Variants in LRBA observed in about 807,000 individuals in gnomAD.
The protein encoded by LRBA is lipopolysaccharide-responsive and beige-like anchor protein.
A neutral mutation model predicts 330.0 loss-of-function variants in LRBA; 176 were observed. The observed-to-expected ratio is 0.53, with a 90% CI of 0.47 to 0.60. The LOEUF (loss-of-function observed/expected upper bound fraction) is 0.60. Ranked by LOEUF, LRBA falls within the 20% of genes least tolerant of loss-of-function variation. The pLI is 0.00. For missense variants in LRBA, 3,259 were observed against 3,444.8 expected, an observed-to-expected ratio of 0.95 and a Z score of 1.35; for synonymous variants, 1,230 against 1,193.0, an observed-to-expected ratio of 1.03 and a Z score of -0.64.
chr4:150,504,581 C>T (rs1188817761), intron 40 of LRBA, among the ~76,000 whole-genome samples: 8 of 152,194 alleles, frequency 5.3e-5, no homozygotes. Context: ...CCTAAAGGAG[C>T]TCCTGAAGGA....
intron 54 of LRBA, 125 bp downstream of exon 54, chr4:150,285,808 A>G: frequency 1.9e-6 from 1 of 514,748 alleles, no homozygotes; most frequent in Non-Finnish European, 3.4e-6. Flanking sequence ...AAATAGTTCC[A>G]TATGACTAAT....
rs1443929204 is a variant in LRBA at position 150,828,443 on chromosome 4, T to A, written c.4908A>T (p.Ala1636=). 4 of 1,614,190 alleles carry A rather than the reference T, an allele frequency of 2.5e-6. No homozygotes were observed. In the Admixed American group the frequency reaches 6.7e-5, roughly 27 times the overall value. The part of the protein sequence containing the change: ...APPGVSAGPD[A]ISEVLSTLSL... ...AAAGAGTAGATAGCACCTCGCTGAT[T>A]GCATCTGGGCCTGCACTGACACCAG... Residue 1636 remains alanine, a synonymous_variant, in exon 30 of 57, where the codon GCA becomes GCT. Transcript: ENST00000651943.
chr4:150,684,636 G>A (rs1008827538), intron 36 of LRBA, among the ~76,000 whole-genome samples: 1 of 152,164 alleles, frequency 6.6e-6, no homozygotes, highest in South Asian at 2.1e-4. Flanking sequence ...GATACTTGTG[G>A]TGTCATGTTT....
chr4:150,585,774 A>G (rs1772035970), intron 40 of LRBA, among the ~76,000 whole-genome samples: 1 of 152,162 alleles, frequency 6.6e-6, no homozygotes, highest in Non-Finnish European at 1.5e-5. Context: ...TGTAGAGAAA[A>G]ATGTTTTTAA....
chr4:150,272,883 T>C (rs1746307881), intron 56 of LRBA, among the ~76,000 whole-genome samples: 1 of 152,072 alleles, frequency 6.6e-6, no homozygotes, highest in African/African-American at 2.4e-5. Flanking sequence ...TGGAAAACAC[T>C]CTGCAGGATA....
chr4:150,449,104 G>A (rs1157310068), intron 44 of LRBA, among the ~76,000 whole-genome samples: 2 of 152,188 alleles, frequency 1.3e-5, no homozygotes, highest in East Asian at 1.9e-4. Flanking sequence ...GCTGATGGGA[G>A]AGGAACACCA....
chr4:150,600,977 G>A (rs556280408), intron 37 of LRBA, among the ~76,000 whole-genome samples: 123 of 152,258 alleles, frequency 8.1e-4, no homozygotes, highest in Middle Eastern at 6.8e-3. Flanking sequence ...GCTGCTCCTC[G>A]CCTTCAGGGG....
intron 37 of LRBA, among the ~76,000 whole-genome samples, chr4:150,600,629 TATA>T (rs2126518364): frequency 6.6e-6 from 1 of 152,198 alleles, no homozygotes; most frequent in African/African-American, 2.4e-5. Context: ...ACAAAAAAAG[TATA>T]AGAATTGCAG....
intron 37 of LRBA, among the ~76,000 whole-genome samples, chr4:150,622,688 C>CTTTTTTTTTTTTTTTT (rs10528461): frequency 1.3e-4 from 14 of 105,642 alleles, no homozygotes; most frequent in African/African-American, 4.6e-4. Context: ...CTAAATCAAT[C>CTTTTTTTTTTTTTTTT]TTTTTTTTTT....
chr4:150,490,840 C>G (rs1184161526), intron 41 of LRBA, 78 bp downstream of exon 41: 1 of 716,662 alleles, frequency 1.4e-6, no homozygotes, highest in African/African-American at 1.8e-5. Flanking sequence ...TAAATTGAAG[C>G]AATATGGTAT....
At chr4:150,946,792 A>T (rs1351334220) in intron 2 of LRBA, among the ~76,000 whole-genome samples, 1 of 152,080 alleles carries the variant, frequency 6.6e-6, no homozygotes, top group Non-Finnish European at 1.5e-5. Context: ...ATCAATGAAG[A>T]GCTAGTTCTT....
chr4:150,450,232 A>G (rs1436143552), intron 44 of LRBA, among the ~76,000 whole-genome samples: 1 of 152,262 alleles, frequency 6.6e-6, no homozygotes, highest in African/African-American at 2.4e-5. Flanking sequence ...TATCAAAAAA[A>G]TAACAATTTG....
chr4:150,280,550 G>T (rs1340701198), intron 55 of LRBA, among the ~76,000 whole-genome samples: 1 of 152,222 alleles, frequency 6.6e-6, no homozygotes, highest in Non-Finnish European at 1.5e-5. Flanking sequence ...GATGGACTGT[G>T]ATATGCTGCT....
chr4:150,752,032 T>C (rs905377935), intron 35 of LRBA, among the ~76,000 whole-genome samples: 4 of 152,190 alleles, frequency 2.6e-5, no homozygotes, highest in Non-Finnish European at 5.9e-5. Flanking sequence ...ACTACTTTTC[T>C]ACACTCTAAT....
chr4:150,506,368 G>C (rs1416020007), intron 40 of LRBA, among the ~76,000 whole-genome samples: 1 of 151,034 alleles, frequency 6.6e-6, no homozygotes, highest in Non-Finnish European at 1.5e-5. Context: ...ACATCAAAAA[G>C]CTTATCCACC....
intron 28 of LRBA, among the ~76,000 whole-genome samples, chr4:150,834,351 T>G (rs1747668051): frequency 6.6e-6 from 1 of 152,342 alleles, no homozygotes; most frequent in African/African-American, 2.4e-5. Flanking sequence ...TCTTAAATAA[T>G]AAGAAGTATT....
chr4:150,819,421 A>AG (rs2126776784), intron 30 of LRBA, among the ~76,000 whole-genome samples: 1 of 144,620 alleles, frequency 6.9e-6, no homozygotes, highest in African/African-American at 2.5e-5. Context: ...ATTTTAGCTC[A>AG]AAAAAAAAAA....
chr4:150,777,999 A>G (rs969167862), intron 34 of LRBA, among the ~76,000 whole-genome samples: 1 of 141,932 alleles, frequency 7.0e-6, no homozygotes, highest in Non-Finnish European at 1.6e-5. Flanking sequence ...AAAAAAAAAA[A>G]CTAGGCAAAA....
At chr4:150,921,070 G>A (rs1402200885) in intron 5 of LRBA, 128 bp downstream of exon 5, 5 of 593,682 alleles carry the variant, frequency 8.4e-6, no homozygotes, top group Non-Finnish European at 1.5e-5. Context: ...ACTATCATAA[G>A]GATTAAAGTA....
Sources: gnomAD v4.1 joint callset for allele counts (sites outside exome capture counted in the v4.1 genomes callset) on GRCh38, gnomAD v4.1.1 for gene constraint, MANE v1.5 for transcripts, NCBI Gene and HGNC (gene_info 2026-07-23, HGNC 2026-07-21) for gene names.